Variants in UNC5C observed in about 807,000 individuals in gnomAD.
The protein encoded by UNC5C is netrin receptor UNC5C.
A neutral mutation model predicts 99.8 loss-of-function variants in UNC5C; 47 were observed. That is an observed-to-expected ratio of 0.47 (90% CI 0.37 to 0.60). The LOEUF (loss-of-function observed/expected upper bound fraction) is 0.60. UNC5C is among the 20% of genes least tolerant of loss of function. UNC5C has a pLI of 0.00. For synonymous variants in UNC5C, 487 were observed against 452.2 expected (o/e 1.08, Z -0.98); for missense variants, 1,062 against 1,165.9 (o/e 0.91, Z 1.30).
In UNC5C at chr4:95,193,884, G is replaced by A. The variant is rs966701239; in HGVS notation, c.2137-8688C>T. 1.2e-4 allele frequency among the ~76,000 whole-genome samples: 18 copies of A among 152,246 alleles called. No individual in the cohort carries two copies. The Middle Eastern group carries it at 0.01, about 86-fold the overall frequency. On this transcript the variant is annotated intron_variant, in intron 12 of 15. Transcript: ENST00000453304. ...CCGGCCTCTCCCACCTGCTCGGGTC[G>A]CCATCCCTGGCGCCCGGCCTGGCTT...
At chr4:95,484,232 C>T (rs1020346364) in intron 1 of UNC5C, among the ~76,000 whole-genome samples, 1 of 151,782 alleles carries the variant, frequency 6.6e-6, no homozygotes, top group Admixed American at 6.6e-5. Context: ...CTGGTTTTTC[C>T]TCTGAGTGAA....
At chr4:95,200,899 C>T (rs1273672186) in intron 12 of UNC5C, among the ~76,000 whole-genome samples, 1 of 151,962 alleles carries the variant, frequency 6.6e-6, no homozygotes, top group Non-Finnish European at 1.5e-5. Context: ...TCCTAACCCC[C>T]AGTGTGATAG....
At chr4:95,474,236 G>T (rs1479522964) in intron 1 of UNC5C, among the ~76,000 whole-genome samples, 2 of 152,006 alleles carry the variant, frequency 1.3e-5, no homozygotes, top group East Asian at 3.9e-4. Context: ...AATCAAACCA[G>T]GCTTGAGACA....
chr4:95,181,439 G>A (rs1736606722), intron 14 of UNC5C, among the ~76,000 whole-genome samples: 1 of 152,170 alleles, frequency 6.6e-6, no homozygotes, highest in Non-Finnish European at 1.5e-5. Flanking sequence ...CAATGTTCAT[G>A]TGGAACAGAA....
At chr4:95,282,917 C>T (rs1431897711) in intron 3 of UNC5C, among the ~76,000 whole-genome samples, 3 of 152,052 alleles carry the variant, frequency 2.0e-5, no homozygotes, top group Middle Eastern at 3.4e-3. Flanking sequence ...TGACTCGCCT[C>T]GGGGGAAGAG....
At chr4:95,410,493 A>G (rs1452497110) in intron 1 of UNC5C, among the ~76,000 whole-genome samples, 1 of 152,192 alleles carries the variant, frequency 6.6e-6, no homozygotes, top group Admixed American at 6.5e-5. Context: ...AGTGAGGAAG[A>G]GAAGAGGGTG....
chr4:95,175,505 C>A (rs1736302529), intron 14 of UNC5C, among the ~76,000 whole-genome samples: 1 of 151,822 alleles, frequency 6.6e-6, no homozygotes, highest in African/African-American at 2.4e-5. Context: ...ACTTATGAAG[C>A]TTAGTTTGGC....
chr4:95,425,108 T>C (rs969846972), intron 1 of UNC5C, among the ~76,000 whole-genome samples: 1 of 152,198 alleles, frequency 6.6e-6, no homozygotes, highest in African/African-American at 2.4e-5. Flanking sequence ...TGTTTCAAAT[T>C]GTAAATTGCC....
At chr4:95,192,812 T>A (rs546191846) in intron 12 of UNC5C, among the ~76,000 whole-genome samples, 191 of 152,292 alleles carry the variant, frequency 1.3e-3, no homozygotes, top group Non-Finnish European at 2.2e-3. Flanking sequence ...TTGCACCACC[T>A]TCTTCCTCAA....
chr4:95,167,897 A>G lies in UNC5C; in HGVS notation c.*1337T>C, dbSNP rs937896023. ...GGAGGCATCACGGTGGAAGTTGAGC[A>G]TTTCAGAACTTGGAGATGATCTAAT... is the stretch of plus-strand genomic sequence containing the variant. On this transcript the variant is annotated 3_prime_UTR_variant, in exon 16 of 16. Transcript: ENST00000453304. The G allele has an allele frequency of 6.6e-6, 1 of 152,198 alleles. No homozygotes were observed. The highest frequency in any genetic ancestry group is 2.4e-5 in the African/African-American group (1 of 41,448). The allele number at this position is 152,198 out of a possible 1,614,324, so 9.4% of individuals were successfully genotyped here.
intron 4 of UNC5C, among the ~76,000 whole-genome samples, chr4:95,262,006 T>C (rs6836855): frequency 0.083 from 12,634 of 152,252 alleles, 1,510 homozygotes; most frequent in African/African-American, 0.27. Flanking sequence ...CCAGTCTGCA[T>C]TCCTTCTTAT....
In UNC5C at chr4:95,287,425, G is replaced by A. The variant is rs919516692; in HGVS notation, c.491-9063C>T. Among the ~76,000 whole-genome samples, 16 of 152,190 alleles carry A rather than the reference G, an allele frequency of 1.1e-4. 1 individual carries two copies. The highest frequency in any genetic ancestry group is 3.1e-4 in the African/African-American group (13 of 41,504). Reference sequence around the variant, plus strand: ...ATAAAAATGTCTCTACATTCTTTTCGGAACCAATGTTGTCATTTCTACAAT... The same window carrying A: ...ATAAAAATGTCTCTACATTCTTTTCAGAACCAATGTTGTCATTTCTACAAT... On this transcript the variant is annotated intron_variant, in intron 3 of 15. Transcript: ENST00000453304.
chr4:95,163,831 G>A lies in UNC5C; in HGVS notation c.*5403C>T, dbSNP rs1036382785. The A allele has an allele frequency of 2.6e-5, 4 of 152,170 alleles. No individual in the cohort carries two copies. Among genetic ancestry groups the A allele is most frequent in the African/African-American group, 9.7e-5 (4 of 41,424 alleles). The allele number at this position is 152,170 out of a possible 1,614,324, so 9.4% of individuals were successfully genotyped here. On this transcript the variant is annotated 3_prime_UTR_variant, in exon 16 of 16. Transcript: ENST00000453304. Reference sequence around the variant, plus strand: ...CAACCTGGGATTCCAGAAGATCTCTGGACAGGTCCCTTCAGTAGGCAAGCG... The same window carrying A: ...CAACCTGGGATTCCAGAAGATCTCTAGACAGGTCCCTTCAGTAGGCAAGCG...
rs34609153 is a variant in UNC5C, at chr4:95,398,044, C to CTTTTTTTTTTTT, written c.125-62425_125-62414dup. Reference sequence around the variant, plus strand: ...CCCAATGAGAAGTAGCCAAATGTAGCTTTTTTTTTTTTTTTTTTTGCTTAT... The same window carrying CTTTTTTTTTTTT: ...CCCAATGAGAAGTAGCCAAATGTAGCTTTTTTTTTTTTTTTTTTTTTTTTTTTTTTTGCTTAT... On this transcript the variant is annotated intron_variant, in intron 1 of 15. Coordinates refer to ENST00000453304, the MANE Select transcript of UNC5C (RefSeq NM_003728.4). Among the ~76,000 whole-genome samples, 582 of 95,746 alleles carry CTTTTTTTTTTTT rather than the reference C, an allele frequency of 6.1e-3. 32 individuals are homozygous for CTTTTTTTTTTTT. Among genetic ancestry groups the CTTTTTTTTTTTT allele is most frequent in the African/African-American group, 0.018 (370 of 20,368 alleles). 62.8% of individuals were successfully genotyped at this position (95,746 alleles called of 152,430 possible). A position where few individuals can be genotyped will look rare whatever the true frequency, so the allele number is the denominator to read the frequency against.
At chr4:95,189,156 C>G (rs568959372) in intron 12 of UNC5C, among the ~76,000 whole-genome samples, 2 of 152,306 alleles carry the variant, frequency 1.3e-5, no homozygotes, top group South Asian at 4.1e-4. Flanking sequence ...CAGAAGTTGT[C>G]CTTCCTACTG....
intron 1 of UNC5C, among the ~76,000 whole-genome samples, chr4:95,499,813 T>C (rs546317003): frequency 3.3e-5 from 5 of 152,160 alleles, no homozygotes; most frequent in Non-Finnish European, 2.9e-5. Flanking sequence ...TGCACATATA[T>C]AAGATGGGAG....
At chr4:95,367,217 A>G (rs993857924) in intron 1 of UNC5C, among the ~76,000 whole-genome samples, 1 of 142,672 alleles carries the variant, frequency 7.0e-6, no homozygotes. Flanking sequence ...AGAAAAATCC[A>G]GGAGTGCAGT....
intron 3 of UNC5C, among the ~76,000 whole-genome samples, chr4:95,299,925 T>C (rs966205884): frequency 2.0e-5 from 3 of 152,086 alleles, no homozygotes; most frequent in African/African-American, 7.2e-5. Flanking sequence ...GAGGAAGGGC[T>C]GGAATAGAGA....
intron 1 of UNC5C, among the ~76,000 whole-genome samples, chr4:95,386,756 G>A (rs1471833243): frequency 1.3e-5 from 2 of 152,184 alleles, no homozygotes; most frequent in Non-Finnish European, 1.5e-5. Context: ...TGGGAAGAAC[G>A]AATGCTGGAG....
Sources: gnomAD v4.1 joint callset for allele counts (sites outside exome capture counted in the v4.1 genomes callset) on GRCh38, gnomAD v4.1.1 for gene constraint, MANE v1.5 for transcripts, NCBI Gene and HGNC (gene_info 2026-07-23, HGNC 2026-07-21) for gene names.